ZNF33A: variants seen among roughly 807,000 people sequenced by gnomAD.
ZNF33A encodes zinc finger protein 33A, also known as brain my041 protein.
Under a neutral mutation model 15.9 loss-of-function variants are expected in ZNF33A, and 9 were observed. The observed-to-expected ratio is 0.57, with a 90% confidence interval of 0.34 to 0.99. The LOEUF (loss-of-function observed/expected upper bound fraction) is 0.99. ZNF33A is among the 50% of genes least tolerant of loss of function. ZNF33A has a pLI of 0.02. For synonymous variants in ZNF33A, 294 were observed against 324.2 expected, an observed-to-expected ratio of 0.91 and a Z score of 1.00; for missense variants, 843 against 941.6, an observed-to-expected ratio of 0.90 and a Z score of 1.37.
intron 4 of ZNF33A, among the ~76,000 whole-genome samples, chr10:38,036,942 T>C (rs2065478015): frequency 5.9e-5 from 9 of 152,248 alleles, no homozygotes. Context: ...TTTGTCCTTT[T>C]ATTGTTGAGA....
intron 4 of ZNF33A, among the ~76,000 whole-genome samples, chr10:38,042,205 CT>C (rs896034302): frequency 6.7e-6 from 1 of 150,022 alleles, no homozygotes; most frequent in African/African-American, 2.5e-5. Flanking sequence ...TTTTTTTCCC[CT>C]GGGAGTCTCA....
chr10:38,021,644 A>AG (rs766415449), intron 4 of ZNF33A, among the ~76,000 whole-genome samples: 13 of 152,180 alleles, frequency 8.5e-5, no homozygotes, highest in East Asian at 1.9e-4. Flanking sequence ...AAAAAAGAAA[A>AG]GAAAAAAAAA....
At chr10:38,030,323 C>T (rs1235373293) in intron 4 of ZNF33A, among the ~76,000 whole-genome samples, 1 of 152,086 alleles carries the variant, frequency 6.6e-6, no homozygotes, top group Non-Finnish European at 1.5e-5. Context: ...GGGTAATAGC[C>T]CAAACCTGAA....
At chr10:38,062,613 C>T (rs1230809583), downstream of ZNF33A, among the ~76,000 whole-genome samples, 1 of 152,122 alleles carries the variant, frequency 6.6e-6, no homozygotes, top group Non-Finnish European at 1.5e-5. Flanking sequence ...TAGAATCAAT[C>T]TGAAGGATTG....
chr10:38,011,061 G>C lies in ZNF33A; in HGVS notation c.-45+278G>C, dbSNP rs930561752. Among the ~76,000 whole-genome samples, 7 of 152,190 alleles carry C rather than the reference G, an allele frequency of 4.6e-5. No homozygotes were observed. In the East Asian group the frequency reaches 9.8e-4, roughly 21 times the overall value. ...GCGCAGTCCGCGCGCTGAGCCTTGC[G>C]GGAGGGGCAGTTCTCTTGTCTAGCC... On this transcript the variant is annotated intron_variant, in intron 1 of 4. Coordinates refer to ENST00000432900, the MANE Select transcript of ZNF33A (RefSeq NM_006954.2).
chr10:38,029,614 C>G (rs1454032013), intron 4 of ZNF33A, among the ~76,000 whole-genome samples: 1 of 152,048 alleles, frequency 6.6e-6, no homozygotes, highest in Admixed American at 6.6e-5. Flanking sequence ...TGTACTCCAC[C>G]ATTTGGTTAT....
In ZNF33A at chr10:38,058,270, C is replaced by T. The variant is rs1378203921; in HGVS notation, c.*1710C>T. 1 of 158,764 alleles carries T rather than the reference C, an allele frequency of 6.3e-6. No individual in the cohort carries two copies. Among genetic ancestry groups the T allele is most frequent in the Non-Finnish European group, 1.3e-5 (1 of 74,352 alleles). 9.8% of individuals were successfully genotyped at this position (158,764 alleles called of 1,614,324 possible). ...AAGAACAAACAGAAGACAAATATTGCTAATACCAAAAATGAAAGAGGCCAT... is the reference window on the plus strand; with the variant it reads ...AAGAACAAACAGAAGACAAATATTGTTAATACCAAAAATGAAAGAGGCCAT... On this transcript the variant is annotated 3_prime_UTR_variant, in exon 5 of 5. Coordinates refer to ENST00000432900, the MANE Select transcript of ZNF33A (RefSeq NM_006954.2).
At chr10:38,016,031 C>T (rs1167411201) in intron 2 of ZNF33A, 7 of 1,230,772 alleles carry the variant, frequency 5.7e-6, no homozygotes, top group Non-Finnish European at 7.1e-6. Flanking sequence ...GTCTTCTCCG[C>T]TGTACTCCAC....
chr10:38,012,239 C>T, intron 1 of ZNF33A, 59 bp from the exon 2 acceptor site: 3 of 1,573,064 alleles, frequency 1.9e-6, no homozygotes, highest in Non-Finnish European at 2.6e-6. Flanking sequence ...GCGGAAGAAT[C>T]CAGGAGTTGC....
In ZNF33A at chr10:38,039,566, A is replaced by G. The variant is rs1320186852; in HGVS notation, c.251-14809A>G. The G allele has an allele frequency of 6.6e-6, 3 of 455,294 alleles. No homozygotes were observed. The Admixed American group carries it at 7.1e-5, about 11-fold the overall frequency. The allele number at this position is 455,294 out of a possible 1,614,324, so 28.2% of individuals were successfully genotyped here. A position where few individuals can be genotyped will look rare whatever the true frequency, so the allele number is the denominator to read the frequency against. ...TTAAATTTACAACTTCAATCTTTTT[A>G]CTTGTGTAGGTCTTTTCAGATTTTT... On this transcript the variant is annotated intron_variant, in intron 4 of 4. Transcript: ENST00000432900.
chr10:38,050,223 G>GT (rs1400340182), intron 4 of ZNF33A, among the ~76,000 whole-genome samples: 1 of 152,166 alleles, frequency 6.6e-6, no homozygotes, highest in Admixed American at 6.5e-5. Flanking sequence ...CTATAGACCG[G>GT]TGTCCTTCAT....
downstream of ZNF33A, among the ~76,000 whole-genome samples, chr10:38,065,951 A>G (rs1214756545): frequency 2.0e-5 from 3 of 151,866 alleles, no homozygotes; most frequent in Admixed American, 1.3e-4. Context: ...CTCGGCCTCC[A>G]AAAGTGCTGG....
intron 4 of ZNF33A, among the ~76,000 whole-genome samples, chr10:38,026,127 C>G (rs1055242366): frequency 6.6e-6 from 1 of 152,148 alleles, no homozygotes; most frequent in African/African-American, 2.4e-5. Flanking sequence ...CTGTTTAATC[C>G]ATTCATCTGT....
chr10:38,012,817 G>T (rs1158660965), intron 2 of ZNF33A, among the ~76,000 whole-genome samples: 1 of 152,100 alleles, frequency 6.6e-6, no homozygotes, highest in Non-Finnish European at 1.5e-5. Flanking sequence ...CAATAGCAGG[G>T]CCAAGTTAGA....
chr10:38,035,484 A>T (rs1478453730), intron 4 of ZNF33A, among the ~76,000 whole-genome samples: 7 of 152,188 alleles, frequency 4.6e-5, no homozygotes, highest in African/African-American at 1.7e-4. Context: ...ATTGTTAATT[A>T]TGCCTATGTG....
Position 38,025,590 on chromosome 10 carries a change from G to A in ZNF33A, c.250+8204G>A, listed in dbSNP as rs377461443. On this transcript the variant is annotated intron_variant, in intron 4 of 4. Transcript: ENST00000432900. ...CTCACCAGGCCCTGGCCATGCTGGC[G>A]TCCTGATCTCAGACTTCCAGCATTT... Among the ~76,000 whole-genome samples the A allele has an allele frequency of 5.6e-4, 85 of 152,352 alleles. 1 individual carries two copies. Among genetic ancestry groups the A allele is most frequent in the African/African-American group, 1.6e-3 (68 of 41,578 alleles).
At chr10:38,032,741 G>A (rs978333089) in intron 4 of ZNF33A, among the ~76,000 whole-genome samples, 1 of 150,540 alleles carries the variant, frequency 6.6e-6, no homozygotes, top group African/African-American at 2.4e-5. Flanking sequence ...GTGAACCACC[G>A]CACCTTGCCG....
chr10:38,041,709 C>T (rs1203557666), intron 4 of ZNF33A, among the ~76,000 whole-genome samples: 2 of 152,062 alleles, frequency 1.3e-5, no homozygotes, highest in Non-Finnish European at 2.9e-5. Flanking sequence ...ATTTGGGAAG[C>T]TCAACCAGTA....
chr10:38,023,093 A>G (rs1271320564), intron 4 of ZNF33A, among the ~76,000 whole-genome samples: 3 of 152,032 alleles, frequency 2.0e-5, no homozygotes, highest in African/African-American at 7.2e-5. Flanking sequence ...CTGCAGGCAC[A>G]TGCCACCACA....
Sources: allele counts gnomAD v4.1 joint callset (sites outside exome capture counted in the v4.1 genomes callset), GRCh38; gene constraint gnomAD v4.1.1; transcripts MANE v1.5; gene names NCBI Gene and HGNC (gene_info 2026-07-23, HGNC 2026-07-21).